The following IRAG2 variants were observed in gnomAD, a reference collection of about 807,000 sequenced individuals.
IRAG2 encodes the protein lymphoid restricted membrane protein.
A neutral mutation model predicts 69.9 loss-of-function variants in IRAG2; 45 were observed. The ratio of observed to expected loss-of-function variants is 0.64; its 90% CI spans 0.51 to 0.83. The LOEUF (loss-of-function observed/expected upper bound fraction) is 0.83, where lower values mean the gene tolerates loss of function less well. IRAG2 is among the 40% of genes least tolerant of loss of function. The probability of loss-of-function intolerance (pLI) is 0.00; values close to 1 mark genes in which losing one functional copy is unlikely to be tolerated. For missense variants in IRAG2, 520 were observed against 587.0 expected, an observed-to-expected ratio of 0.89 and a Z score of 1.18; for synonymous variants, 193 against 202.4, an observed-to-expected ratio of 0.95 and a Z score of 0.40.
At chr12:25,021,019 G>A (rs931330393) in intron 7 of IRAG2, 1 of 455,442 alleles carries the variant, frequency 2.2e-6, no homozygotes, top group African/African-American at 2.0e-5. Flanking sequence ...TGAATGAATT[G>A]GTAACACTTT....
intron 17 of IRAG2, chr12:25,103,424 A>G (rs1055116634): frequency 1.9e-5 from 3 of 160,394 alleles, no homozygotes; most frequent in African/African-American, 7.2e-5. Flanking sequence ...TAACAACAAA[A>G]AATTTCTGCC....
At chr12:25,017,231 C>G in exon 6 of IRAG2, 1 of 1,232,094 alleles carries the variant, frequency 8.1e-7, no homozygotes. Context: ...TTTAGAAACC[C>G]TGGAAGAAAC....
chr12:25,014,781 G>A (rs1591924565), intron 3 of IRAG2, among the ~76,000 whole-genome samples: 2 of 151,440 alleles, frequency 1.3e-5, no homozygotes, highest in Admixed American at 1.3e-4. Context: ...CCATGATCTT[G>A]CAACCTCCAC....
At chr12:25,057,069 C>T (rs1945304331) in intron 1 of IRAG2, among the ~76,000 whole-genome samples, 1 of 152,076 alleles carries the variant, frequency 6.6e-6, no homozygotes, top group Non-Finnish European at 1.5e-5. Flanking sequence ...GTGAAAGCAT[C>T]ACCAGCATTT....
intron 20 of IRAG2, among the ~76,000 whole-genome samples, 161 bp from the exon 21 acceptor site, chr12:25,106,782 C>T (rs1949181855): frequency 6.6e-6 from 1 of 151,476 alleles, no homozygotes. Context: ...AATTATAAAT[C>T]TGGTGATTTG....
At position 25,018,254 on chromosome 12, in the gene IRAG2, C is replaced by T. The variant is rs114072929; in HGVS notation, c.1214+962C>T. Among the ~76,000 whole-genome samples the T allele has an allele frequency of 3.9e-3, 521 of 134,556 alleles. 6 individuals carry two copies. Among genetic ancestry groups the T allele is most frequent in the African/African-American group, 0.014 (496 of 36,036 alleles). The allele number at this position is 134,556 out of a possible 152,430, so 88.3% of individuals were successfully genotyped here. On this transcript the variant is annotated intron_variant, in intron 6 of 38. Coordinates refer to the IRAG2 transcript ENST00000636465. ...CTTTGACACCCAGGCTGTAGTGCAG[C>T]GGCACGATCTCAGCTCACTGCATGC...
intron 12 of IRAG2, 40 bp from the exon 13 acceptor site, chr12:25,089,722 GT>G (rs1947900405): frequency 6.2e-7 from 1 of 1,611,154 alleles, no homozygotes; most frequent in African/African-American, 1.3e-5. Context: ...TTATTTTTCT[GT>G]TGGATTATGT....
intron 11 of IRAG2, among the ~76,000 whole-genome samples, chr12:25,088,483 A>G (rs1947798544): frequency 1.3e-5 from 2 of 152,238 alleles, no homozygotes; most frequent in South Asian, 2.1e-4. Context: ...TATTTACAGA[A>G]TAAGTGCTAA....
In IRAG2 at chr12:25,108,126, T is replaced by A; in HGVS notation, c.*66T>A. 2 of 1,550,692 alleles carry A rather than the reference T, an allele frequency of 1.3e-6. No individual in the cohort carries two copies. The highest frequency in any genetic ancestry group is 8.8e-7 in the Non-Finnish European group (1 of 1,141,184). ...TCAGTATCTGAACTTCGTAAATTAGTAACTTTTAGCTGGGAAAGTATAGCA... is the reference window on the plus strand; with the variant it reads ...TCAGTATCTGAACTTCGTAAATTAGAAACTTTTAGCTGGGAAAGTATAGCA... On this transcript the variant is annotated 3_prime_UTR_variant, in exon 22 of 22. Transcript: ENST00000556887.
In IRAG2 at chr12:25,011,468, T is replaced by TGTTCTGTGGAACAGTGG; in HGVS notation, c.813_814insGTTCTGTGGAACAGTGG (p.Pro272ValfsTer22). On this transcript the variant is annotated frameshift_variant, in exon 3 of 39. Transcript: ENST00000636465. LOFTEE classifies it high-confidence loss of function. ...TTGAGCAGTTGTGGAACATGCTTGA[T>TGTTCTGTGGAACAGTGG]CCTGAGAAGAGAGACCCACATGTGG... 4 of 1,231,616 alleles carry TGTTCTGTGGAACAGTGG rather than the reference T, an allele frequency of 3.2e-6. No homozygotes were observed. The highest frequency in any genetic ancestry group is 4.0e-6 in the Non-Finnish European group (4 of 987,926). 76.3% of individuals were successfully genotyped at this position (1,231,616 alleles called of 1,614,324 possible).
At chr12:25,067,527 C>A (rs1281328980) in intron 5 of IRAG2, among the ~76,000 whole-genome samples, 1 of 152,184 alleles carries the variant, frequency 6.6e-6, no homozygotes, top group Non-Finnish European at 1.5e-5. Context: ...GTGCTTCTGA[C>A]CAACTCTCTA....
rs61751736 is a variant in IRAG2, at chr12:25,107,997, G to A, written c.1437G>A (p.Thr479=). 1.2e-4 allele frequency: 194 copies of A among 1,614,154 alleles called. No homozygotes were observed. Among genetic ancestry groups the A allele is most frequent in the Non-Finnish European group, 1.5e-4 (174 of 1,180,008 alleles). ...CCACACAGCAAGAGGACTCATGGAC[G>A]TCTCTAGAACATATCTTGTGGCCAT... is the stretch of plus-strand genomic sequence containing the variant. ...AAPTQQEDSW[T]SLEHILWPFT... The change falls in exon 22 of 22, where the codon ACG becomes ACA. Residue 479 remains threonine (T), a synonymous_variant. Coordinates refer to ENST00000556887, the MANE Select transcript of IRAG2 (RefSeq NM_001366544.2).
At chr12:25,038,413 TG>T (rs1944719035) in intron 16 of IRAG2, among the ~76,000 whole-genome samples, 3 of 151,984 alleles carry the variant, frequency 2.0e-5, no homozygotes, top group Admixed American at 6.6e-5. Context: ...GAGGCTAAGG[TG>T]GGCGAATCAC....
intron 16 of IRAG2, among the ~76,000 whole-genome samples, chr12:25,040,515 AAGAGAG>A (rs942643713): frequency 2.6e-5 from 4 of 151,766 alleles, no homozygotes; most frequent in South Asian, 4.2e-4. Context: ...CTTAAAAAAA[AAGAGAG>A]AGAGAGAGAG....
chr12:25,099,076 G>A (rs762939619), intron 15 of IRAG2, among the ~76,000 whole-genome samples: 37 of 151,906 alleles, frequency 2.4e-4, no homozygotes, highest in Non-Finnish European at 4.1e-4. Context: ...GACTCCACTC[G>A]TGCACATCTG....
intron 11 of IRAG2, among the ~76,000 whole-genome samples, chr12:25,088,912 A>C (rs1947833184): frequency 6.6e-6 from 1 of 151,328 alleles, no homozygotes; most frequent in South Asian, 2.1e-4. Flanking sequence ...ACTATTATAA[A>C]AAAATCAATC....
intron 10 of IRAG2, among the ~76,000 whole-genome samples, chr12:25,031,284 C>G (rs1345606812): frequency 6.6e-6 from 1 of 152,186 alleles, no homozygotes; most frequent in Non-Finnish European, 1.5e-5. Context: ...TCCTCCCTAA[C>G]TCTGGTCTTC....
intron 4 of IRAG2, among the ~76,000 whole-genome samples, chr12:25,064,438 A>G (rs1945838625): frequency 6.6e-6 from 1 of 152,220 alleles, no homozygotes; most frequent in African/African-American, 2.4e-5. Flanking sequence ...AGTAGAAGAG[A>G]CATTTGGAGA....
upstream of IRAG2, among the ~76,000 whole-genome samples, chr12:25,048,612 ATTTTTTTTCTTGTAAATTTGTT>A (rs1308844327): frequency 6.6e-6 from 1 of 151,618 alleles, no homozygotes; most frequent in African/African-American, 2.4e-5. Flanking sequence ...ACTTTGTAAT[ATTTTTTTTCTTGTAAATTTGTT>A]AAAGTTCCTT....
Sources: gnomAD v4.1 joint callset for allele counts (sites outside exome capture counted in the v4.1 genomes callset) on GRCh38, gnomAD v4.1.1 for gene constraint, MANE v1.5 for transcripts, NCBI Gene and HGNC (gene_info 2026-07-23, HGNC 2026-07-21) for gene names.